ASB13: variants seen among roughly 807,000 people sequenced by gnomAD.
The protein encoded by ASB13 is ankyrin repeat and SOCS box containing 13.
In ASB13, 33 loss-of-function variants were observed where a neutral mutation model predicts 28.8. The ratio of observed to expected loss-of-function variants is 1.15; its 90% CI spans 0.87 to 1.53. The LOEUF (loss-of-function observed/expected upper bound fraction) is 1.53. Among genes scored for constraint, ASB13 ranks in the 40% most tolerant of loss-of-function variants. ASB13 has a pLI of 0.00. For missense variants in ASB13, 414 were observed against 390.1 expected (o/e 1.06, Z -0.52); for synonymous variants, 182 against 172.9 (o/e 1.05, Z -0.41).
rs1311576202 is a variant in ASB13, at chr10:5,645,086, G to A, written c.518-3125C>T. 1.3e-5 allele frequency among the ~76,000 whole-genome samples: 2 copies of A among 152,022 alleles called. No individual in the cohort carries two copies. Among genetic ancestry groups the A allele is most frequent in the East Asian group, 3.9e-4 (2 of 5,190 alleles). On this transcript the variant is annotated intron_variant, in intron 4 of 5. Transcript: ENST00000357700. This position sits in a 1 kb window ranked among gnomAD's most constrained non-coding sequence, Gnocchi z 5.4. ...AACACAGGCTCATTACCAAAATCCTGCTTTCAACACAAAATAGGATTAAAG... is the reference window on the plus strand; with the variant it reads ...AACACAGGCTCATTACCAAAATCCTACTTTCAACACAAAATAGGATTAAAG...
In ASB13 at chr10:5,658,181, A is replaced by C. The variant is rs1348679862; in HGVS notation, c.44-5131T>G. 3.5e-5 allele frequency among the ~76,000 whole-genome samples: 5 copies of C among 144,674 alleles called. No homozygotes were observed. Among genetic ancestry groups the C allele is most frequent in the Non-Finnish European group, 7.6e-5 (5 of 66,088 alleles). The allele number at this position is 144,674 out of a possible 152,430, so 94.9% of individuals were successfully genotyped here. ...TCAAAAATAAATAAATAAATACGCT[A>C]TTTCTGGCCAGGTGCAGTGGCTCAA... On this transcript the variant is annotated intron_variant, in intron 1 of 5. Coordinates refer to ENST00000357700, the MANE Select transcript of ASB13 (RefSeq NM_024701.4). This position sits in a 1 kb window ranked among gnomAD's most constrained non-coding sequence, Gnocchi z 4.2.
chr10:5,647,411 C>T (rs1588509642), intron 4 of ASB13, among the ~76,000 whole-genome samples: 1 of 152,228 alleles, frequency 6.6e-6, no homozygotes, highest in African/African-American at 2.4e-5. Context: ...ATAGACAGGT[C>T]CTGAGCCTAA....
In ASB13 at chr10:5,666,583, G is replaced by T. The variant is rs1835265360; in HGVS notation, c.-32C>A. The T allele has an allele frequency of 5.8e-5, 65 of 1,123,724 alleles. No individual in the cohort carries two copies. The highest frequency in any genetic ancestry group is 7.0e-5 in the Non-Finnish European group (64 of 919,330). The allele number at this position is 1,123,724 out of a possible 1,614,324, so 69.6% of individuals were successfully genotyped here. The stretch of plus-strand genomic sequence containing the variant: ...CACCGGCGGCCGCGCGGCGACTCTG[G>T]GCGCCGGGACCTGGGCCGGGCCGCG... On this transcript the variant is annotated 5_prime_UTR_variant, in exon 1 of 6. Coordinates refer to ENST00000357700, the MANE Select transcript of ASB13 (RefSeq NM_024701.4).
In ASB13 at chr10:5,651,296, C is replaced by T. The variant is rs151041500; in HGVS notation, c.299G>A (p.Cys100Tyr). The change falls in exon 3 of 6, where the codon TGT (cysteine) becomes TAT (tyrosine). Residue 100 changes from cysteine (C) to tyrosine (Y), a missense_variant. Cys to Tyr is a radical substitution (Grantham distance 194, BLOSUM62 -2). Coordinates refer to ENST00000357700, the MANE Select transcript of ASB13 (RefSeq NM_024701.4). This position sits in a 1 kb window ranked among gnomAD's most constrained non-coding sequence, Gnocchi z 5.1. ...CDACASGSIE[C>Y]VKLLLSYGAK... ...CCCGTAGGACAGCAAGAGCTTCACACACTCGATGCTGCCCGAGGCGCAGGC... is the reference window on the plus strand; with the variant it reads ...CCCGTAGGACAGCAAGAGCTTCACATACTCGATGCTGCCCGAGGCGCAGGC... The T allele has an allele frequency of 2.7e-5, 44 of 1,614,094 alleles. No homozygotes were observed. The highest frequency in any genetic ancestry group is 1.6e-4 in the Middle Eastern group (1 of 6,062).
rs1835207793 is a variant in ASB13, at chr10:5,663,551, T to C, written c.43+2958A>G. ...ACTCAGGACCCCTGAGCTCTGATCC[T>C]GCATCCTCCCTGTCTCAGTTAAGGG... On this transcript the variant is annotated intron_variant, in intron 1 of 5. Transcript: ENST00000357700. This position sits in a 1 kb window ranked among gnomAD's most constrained non-coding sequence, Gnocchi z 4.9. Among the ~76,000 whole-genome samples the C allele has an allele frequency of 1.3e-5, 2 of 152,164 alleles. No individual in the cohort carries two copies. Among genetic ancestry groups the C allele is most frequent in the African/African-American group, 4.8e-5 (2 of 41,448 alleles).
chr10:5,647,028 C>T (rs542215791), intron 4 of ASB13, among the ~76,000 whole-genome samples: 1 of 152,328 alleles, frequency 6.6e-6, no homozygotes, highest in Admixed American at 6.5e-5. Flanking sequence ...AAAAGTGGCA[C>T]ATGAAAGTGA....
In ASB13 at chr10:5,663,307, A is replaced by G. The variant is rs1220870425; in HGVS notation, c.43+3202T>C. On this transcript the variant is annotated intron_variant, in intron 1 of 5. Coordinates refer to ENST00000357700, the MANE Select transcript of ASB13 (RefSeq NM_024701.4). This position sits in a 1 kb window ranked among gnomAD's most constrained non-coding sequence, Gnocchi z 4.9. ...CGAAGGTGTCAGGAGAGCTTGGTGA[A>G]TAACAGGCATTTCCTTCCACCTGCA... 6.6e-6 allele frequency among the ~76,000 whole-genome samples: 1 copy of G among 152,226 alleles called. No homozygotes were observed. The highest frequency in any genetic ancestry group is 1.5e-5 in the Non-Finnish European group (1 of 68,032).
Position 5,649,376 on chromosome 10 carries a change from C to A in ASB13, c.383-272G>T, listed in dbSNP as rs1446479951. 1.3e-5 allele frequency among the ~76,000 whole-genome samples: 2 copies of A among 152,180 alleles called. No homozygotes were observed. Among genetic ancestry groups the A allele is most frequent in the African/African-American group, 4.8e-5 (2 of 41,440 alleles). Reference sequence around the variant, plus strand: ...TGCTGTGAGAACAGAAGACATGGGGCACCACCTAGAATGGGTCAGGGAAAA... The same window carrying A: ...TGCTGTGAGAACAGAAGACATGGGGAACCACCTAGAATGGGTCAGGGAAAA... On this transcript the variant is annotated intron_variant, in intron 3 of 5. Transcript: ENST00000357700. The surrounding 1 kb of genome is among the most constrained non-coding windows in gnomAD (Gnocchi z 6.4).
chr10:5,648,836 A>G (rs879063706), intron 4 of ASB13, 134 bp downstream of exon 4: 1 of 1,490,258 alleles, frequency 6.7e-7, no homozygotes, highest in South Asian at 1.3e-5. Flanking sequence ...GCAAACATCC[A>G]CTCCGGTAAA....
In ASB13 at chr10:5,651,430, C is replaced by T. The variant is rs571207874; in HGVS notation, c.232-67G>A. 8.0e-5 allele frequency: 117 copies of T among 1,462,868 alleles called. 3 individuals carry two copies. In the South Asian group the frequency reaches 1.2e-3, roughly 15 times the overall value. 90.6% of individuals were successfully genotyped at this position (1,462,868 alleles called of 1,614,324 possible). On this transcript the variant is annotated intron_variant, in intron 2 of 5. Transcript: ENST00000357700. This position sits in a 1 kb window ranked among gnomAD's most constrained non-coding sequence, Gnocchi z 5.1. ...CCACGCAACCCACTTTCCCATCCTG[C>T]TGCAGGTTCATCTTTGCTAAGATGC... is the stretch of plus-strand genomic sequence containing the variant.
rs1006344395 is a variant in ASB13, at chr10:5,663,336, C to T, written c.43+3173G>A. On this transcript the variant is annotated intron_variant, in intron 1 of 5. Transcript: ENST00000357700. The surrounding 1 kb of genome is among the most constrained non-coding windows in gnomAD (Gnocchi z 4.9). ...CAGGCATTTCCTTCCACCTGCAGGA[C>T]GCTAAAACCACACTGGATTCGCTGC... 1.3e-5 allele frequency among the ~76,000 whole-genome samples: 2 copies of T among 152,172 alleles called. No individual in the cohort carries two copies. Among genetic ancestry groups the T allele is most frequent in the Admixed American group, 6.5e-5 (1 of 15,286 alleles).
chr10:5,660,216 G>A lies in ASB13; in HGVS notation c.43+6293C>T, dbSNP rs1036910336. Among the ~76,000 whole-genome samples the A allele has an allele frequency of 2.0e-5, 3 of 152,182 alleles. No individual in the cohort carries two copies. The highest frequency in any genetic ancestry group is 2.9e-5 in the Non-Finnish European group (2 of 68,032). ...CACCTATGTATCTACTGCAGACTAC[G>A]GCAGACGTCACCTTGAGAAGGAATG... On this transcript the variant is annotated intron_variant, in intron 1 of 5. Transcript: ENST00000357700. The surrounding 1 kb of genome is among the most constrained non-coding windows in gnomAD (Gnocchi z 6.1).
intron 4 of ASB13, among the ~76,000 whole-genome samples, chr10:5,648,518 GCGGGCAAACACCTACT>G (rs1834926936): frequency 8.9e-6 from 1 of 112,188 alleles, no homozygotes; most frequent in Admixed American, 9.1e-5. Flanking sequence ...AAACACCCAC[GCGGGCAAACACCTACT>G]CAGGTAAACA....
At position 5,664,109 on chromosome 10, in the gene ASB13, G is replaced by A. The variant is rs534656327; in HGVS notation, c.43+2400C>T. On this transcript the variant is annotated intron_variant, in intron 1 of 5. Transcript: ENST00000357700. The surrounding 1 kb of genome is among the most constrained non-coding windows in gnomAD (Gnocchi z 4.2). ...AGTGGCTAACCAGGATACAGAAGGCGGGCTTGGCACCCGGGGTTGGGACCA... is the reference window on the plus strand; with the variant it reads ...AGTGGCTAACCAGGATACAGAAGGCAGGCTTGGCACCCGGGGTTGGGACCA... Among the ~76,000 whole-genome samples the A allele has an allele frequency of 2.0e-5, 3 of 152,282 alleles. No homozygotes were observed. The highest frequency in any genetic ancestry group is 6.5e-5 in the Admixed American group (1 of 15,302).
chr10:5,652,994 G>A lies in ASB13; in HGVS notation c.100C>T (p.Gln34Ter). 6.4e-7 allele frequency: 1 copy of A among 1,553,560 alleles called. No individual in the cohort carries two copies. Among genetic ancestry groups the A allele is most frequent in the Non-Finnish European group, 8.7e-7 (1 of 1,148,104 alleles). Residue 34 changes from glutamine to a stop codon, truncating the protein, a stop_gained, in exon 2 of 6, where the codon CAG (glutamine) becomes TAG (stop). Transcript: ENST00000357700. LOFTEE classifies it high-confidence loss of function. The surrounding 1 kb of genome is among the most constrained non-coding windows in gnomAD (Gnocchi z 5.0). ...HEAAQRGESL[Q>*]LQQLIESGAC... ...CCGCTCTCGATCAGCTGTTGCAGCTGCAGGCTCTCACCCCGCTGGGCTGCC... is the reference window on the plus strand; with the variant it reads ...CCGCTCTCGATCAGCTGTTGCAGCTACAGGCTCTCACCCCGCTGGGCTGCC...
At chr10:5,662,571 GAGAAGAGAA>G (rs1835188766) in intron 1 of ASB13, among the ~76,000 whole-genome samples, 2 of 64,614 alleles carry the variant, frequency 3.1e-5, no homozygotes, top group African/African-American at 1.1e-4. Flanking sequence ...GAGGGGAGAA[GAGAAGAGAA>G]GAGAAGAGAA....
chr10:5,659,349 A>T lies in ASB13; in HGVS notation c.44-6299T>A, dbSNP rs1178813434. 3.3e-5 allele frequency among the ~76,000 whole-genome samples: 5 copies of T among 152,312 alleles called. No individual in the cohort carries two copies. In the South Asian group the frequency reaches 6.2e-4, roughly 19 times the overall value. The stretch of plus-strand genomic sequence containing the variant: ...CCCTAATGCAGATGATTGACAAGCC[A>T]GTCTGACAGGGCCTGCTCACAAGGG... On this transcript the variant is annotated intron_variant, in intron 1 of 5. Transcript: ENST00000357700. The surrounding 1 kb of genome is among the most constrained non-coding windows in gnomAD (Gnocchi z 5.8).
chr10:5,662,562 A>C (rs1168431910), intron 1 of ASB13, among the ~76,000 whole-genome samples: 1 of 77,198 alleles, frequency 1.3e-5, no homozygotes, highest in Non-Finnish European at 2.6e-5. Flanking sequence ...AGGGGAGGGG[A>C]GGGGAGAAGA....
Position 5,642,568 on chromosome 10 carries a change from A to C in ASB13, c.518-607T>G, listed in dbSNP as rs1396602045. 3 of 1,212,378 alleles carry C rather than the reference A, an allele frequency of 2.5e-6. No individual in the cohort carries two copies. The highest frequency in any genetic ancestry group is 3.5e-5 in the Admixed American group (1 of 28,592). 75.1% of individuals were successfully genotyped at this position (1,212,378 alleles called of 1,614,324 possible). The stretch of plus-strand genomic sequence containing the variant: ...CATTCATCAAGCTGATTAAAAGTAA[A>C]GGTAAAAAAAAATTTTTTTTTAAAA... On this transcript the variant is annotated intron_variant, in intron 4 of 5. Coordinates refer to ENST00000357700, the MANE Select transcript of ASB13 (RefSeq NM_024701.4). This position sits in a 1 kb window ranked among gnomAD's most constrained non-coding sequence, Gnocchi z 4.1.
Sources: gnomAD v4.1 joint callset for allele counts (sites outside exome capture counted in the v4.1 genomes callset) on GRCh38, gnomAD v4.1.1 for gene constraint, Gnocchi (gnomAD v3.1) non-coding constraint, MANE v1.5 for transcripts, NCBI Gene and HGNC (gene_info 2026-07-23, HGNC 2026-07-21) for gene names.